Variants in CTNNA2 observed in about 807,000 individuals in gnomAD.
CTNNA2 encodes catenin alpha 2.
In CTNNA2, 42 loss-of-function variants were observed where a neutral mutation model predicts 101.0. That is an observed-to-expected ratio of 0.42 (90% CI 0.32 to 0.54). CTNNA2 has a LOEUF of 0.54. CTNNA2 is among the 20% of genes least tolerant of loss of function. The pLI, the probability that CTNNA2 is intolerant of heterozygous loss-of-function variation, is 0.14. For missense variants in CTNNA2, 871 were observed against 1,223.1 expected (o/e 0.71, Z 4.29); for synonymous variants, 450 against 456.4 (o/e 0.99, Z 0.18).
chr2:80,187,819 A>T (rs1395469218), intron 7 of CTNNA2, among the ~76,000 whole-genome samples: 2 of 132,880 alleles, frequency 1.5e-5, no homozygotes, highest in Non-Finnish European at 3.2e-5. Flanking sequence ...TTTAAACACT[A>T]AAAAAAAAAA....
rs539095496 is a variant in CTNNA2 at position 79,397,340 on chromosome 2, A to G, written c.-135+23327A>G. On this transcript the variant is annotated intron_variant, in intron 4 of 21. Coordinates refer to the CTNNA2 transcript ENST00000466387. Reference sequence around the variant, plus strand: ...TTCTTCTATCTAACTGTATTTTGGTACCCCTTAATCACCTTCTCTTCATAT... The same window carrying G: ...TTCTTCTATCTAACTGTATTTTGGTGCCCCTTAATCACCTTCTCTTCATAT... Among the ~76,000 whole-genome samples the G allele has an allele frequency of 9.9e-5, 15 of 152,164 alleles. No homozygotes were observed. In the East Asian group the frequency reaches 1.9e-3, roughly 20 times the overall value.
In CTNNA2 at chr2:80,203,474, T is replaced by C. The variant is rs183780950; in HGVS notation, c.1057-189737T>C. ...AATGGGGCCACAGGCCCCATGCAAGTCTGAAATCCAGCAGGGTAGTTAAAT... is the reference window on the plus strand; with the variant it reads ...AATGGGGCCACAGGCCCCATGCAAGCCTGAAATCCAGCAGGGTAGTTAAAT... On this transcript the variant is annotated intron_variant, in intron 7 of 18. Coordinates refer to ENST00000402739, the MANE Select transcript of CTNNA2 (RefSeq NM_001282597.3). 2.0e-5 allele frequency among the ~76,000 whole-genome samples: 3 copies of C among 152,338 alleles called. No homozygotes were observed. The East Asian group carries it at 5.8e-4, about 29-fold the overall frequency.
At chr2:79,935,430 A>G (rs1181697675) in intron 7 of CTNNA2, among the ~76,000 whole-genome samples, 1 of 151,718 alleles carries the variant, frequency 6.6e-6, no homozygotes, top group East Asian at 1.9e-4. Flanking sequence ...AGAACGATAT[A>G]TGCTTTACTC....
At chr2:80,592,295 A>G (rs1271804013) in intron 15 of CTNNA2, among the ~76,000 whole-genome samples, 1 of 152,146 alleles carries the variant, frequency 6.6e-6, no homozygotes, top group Non-Finnish European at 1.5e-5. Context: ...CTGGTCTTTC[A>G]GTTCCAATTC....
chr2:80,009,756 G>GTGTGTC (rs367758452), intron 7 of CTNNA2, among the ~76,000 whole-genome samples: 12,634 of 147,982 alleles, frequency 0.085, 590 homozygotes, highest in East Asian at 0.11. Flanking sequence ...GTGTGTCAGA[G>GTGTGTC]AGAGAGACAG....
At chr2:79,291,281 A>G (rs1400764807) in intron 2 of CTNNA2, among the ~76,000 whole-genome samples, 1 of 152,248 alleles carries the variant, frequency 6.6e-6, no homozygotes, top group African/African-American at 2.4e-5. Flanking sequence ...AAAGCAAAGT[A>G]CAGCTGTCAT....
intron 2 of CTNNA2, among the ~76,000 whole-genome samples, chr2:79,262,827 T>TAAGCCAC (rs1373686160): frequency 1.3e-5 from 2 of 152,236 alleles, no homozygotes; most frequent in East Asian, 3.9e-4. Context: ...AATTTAAACA[T>TAAGCCAC]AAGCCACAGT....
intron 14 of CTNNA2, among the ~76,000 whole-genome samples, chr2:80,583,891 G>T (rs920475880): frequency 2.0e-5 from 3 of 151,938 alleles, no homozygotes; most frequent in African/African-American, 7.3e-5. Context: ...TTATAAACAG[G>T]GTCCAAGATA....
chr2:79,843,654 C>G (rs1679988330), intron 3 of CTNNA2, among the ~76,000 whole-genome samples: 1 of 152,198 alleles, frequency 6.6e-6, no homozygotes, highest in East Asian at 1.9e-4. Context: ...TATCTGGCAT[C>G]TGTATTTTCT....
intron 14 of CTNNA2, among the ~76,000 whole-genome samples, chr2:80,583,542 C>T (rs1027105289): frequency 3.3e-5 from 5 of 152,170 alleles, no homozygotes; most frequent in Non-Finnish European, 5.9e-5. Flanking sequence ...TTCATCCAAA[C>T]ATGAAGCAAT....
rs1044920860 is a variant in CTNNA2, at chr2:79,532,782, T to G, written c.-6+19575T>G. ...CCAATGCTAAAACCCCTAATCTGGA[T>G]GCACCTGCACCTGATTAATTTTTGA... On this transcript the variant is annotated intron_variant, in intron 1 of 18. Coordinates refer to ENST00000402739, the MANE Select transcript of CTNNA2 (RefSeq NM_001282597.3). 1.4e-5 allele frequency among the ~76,000 whole-genome samples: 2 copies of G among 145,708 alleles called. 1 individual carries two copies. Among genetic ancestry groups the G allele is most frequent in the South Asian group, 4.6e-4 (2 of 4,348 alleles).
chr2:79,869,042 T>C (rs186518420), intron 4 of CTNNA2, among the ~76,000 whole-genome samples: 133 of 152,314 alleles, frequency 8.7e-4, no homozygotes, highest in Non-Finnish European at 1.6e-3. Flanking sequence ...AAGATCATTG[T>C]GGAGGGGAGA....
chr2:79,729,121 G>A (rs990374747), intron 2 of CTNNA2, among the ~76,000 whole-genome samples: 4 of 152,110 alleles, frequency 2.6e-5, no homozygotes, highest in African/African-American at 9.7e-5. Flanking sequence ...ATTTATAGCT[G>A]ACAAAAATGA....
At chr2:80,493,518 G>A (rs1177840831) in intron 9 of CTNNA2, among the ~76,000 whole-genome samples, 1 of 152,158 alleles carries the variant, frequency 6.6e-6, no homozygotes, top group Non-Finnish European at 1.5e-5. Flanking sequence ...CAATGGGCTT[G>A]GAAGATGGAC....
intron 7 of CTNNA2, among the ~76,000 whole-genome samples, chr2:80,277,553 G>GGAA (rs377036919): frequency 1.2e-5 from 1 of 83,828 alleles, no homozygotes; most frequent in African/African-American, 4.6e-5. Flanking sequence ...AAGGATTTCT[G>GGAA]AAAAAAAAAA....
At chr2:80,006,403 G>A (rs1333711758) in intron 7 of CTNNA2, among the ~76,000 whole-genome samples, 1 of 151,650 alleles carries the variant, frequency 6.6e-6, no homozygotes, top group Middle Eastern at 3.4e-3. Flanking sequence ...GCACAGAGAG[G>A]TCAAATAACT....
intron 15 of CTNNA2, among the ~76,000 whole-genome samples, chr2:80,591,457 G>GT (rs567131551): frequency 0.035 from 2,456 of 70,254 alleles, 330 homozygotes; most frequent in Middle Eastern, 0.07. Context: ...TGCACAGCCT[G>GT]TTTTTTTTTT....
intron 7 of CTNNA2, among the ~76,000 whole-genome samples, chr2:80,381,358 G>A (rs1401136221): frequency 6.6e-6 from 1 of 152,084 alleles, no homozygotes; most frequent in Non-Finnish European, 1.5e-5. Context: ...TTCTTTGGTT[G>A]TTTTAACTGT....
intron 7 of CTNNA2, among the ~76,000 whole-genome samples, chr2:80,179,863 C>T (rs1456137805): frequency 1.3e-5 from 2 of 152,140 alleles, no homozygotes; most frequent in Admixed American, 1.3e-4. Context: ...GGGGTTCTGC[C>T]AGCTGTTAAG....
Sources: gnomAD v4.1 joint callset for allele counts (sites outside exome capture counted in the v4.1 genomes callset) on GRCh38, gnomAD v4.1.1 for gene constraint, MANE v1.5 for transcripts, NCBI Gene and HGNC (gene_info 2026-07-23, HGNC 2026-07-21) for gene names.